The following RPS6KC1 variants were observed in gnomAD, a reference collection of about 807,000 sequenced individuals.
RPS6KC1 encodes ribosomal protein S6 kinase C1, also known as inactive ribosomal protein S6 kinase delta-1.
RPS6KC1 carries 54 observed loss-of-function variants against 103.8 expected under a neutral mutation model. The observed-to-expected ratio is 0.52, with a 90% CI of 0.42 to 0.65. RPS6KC1 has a LOEUF of 0.65. Among genes scored for constraint, RPS6KC1 ranks in the 30% least tolerant of loss-of-function variants. The pLI, the probability that RPS6KC1 is intolerant of heterozygous loss-of-function variation, is 0.00. For missense variants in RPS6KC1, 1,151 were observed against 1,253.8 expected, an observed-to-expected ratio of 0.92 and a Z score of 1.24; for synonymous variants, 439 against 438.7, an observed-to-expected ratio of 1.00 and a Z score of -0.01.
the RPS6KC1 span, among the ~76,000 whole-genome samples, chr1:213,297,838 G>C: frequency 6.6e-6 from 1 of 152,168 alleles, no homozygotes; most frequent in Non-Finnish European, 1.5e-5. Context: ...GCCTAGGCTA[G>C]TCTCAAACTC....
chr1:213,172,358 C>G (rs1261750336), intron 7 of RPS6KC1, among the ~76,000 whole-genome samples: 1 of 152,198 alleles, frequency 6.6e-6, no homozygotes, highest in Admixed American at 6.5e-5. Context: ...CTTTGGAAGG[C>G]TGAGGCAGGT....
At chr1:213,747,012 A>G in the RPS6KC1 span, among the ~76,000 whole-genome samples, 6 of 152,206 alleles carry the variant, frequency 3.9e-5, no homozygotes, top group Non-Finnish European at 8.8e-5. Flanking sequence ...AGTTTTAAAT[A>G]TAAGTTTGGG....
chr1:213,189,092 A>C, intron 8 of RPS6KC1, among the ~76,000 whole-genome samples: 1 of 152,180 alleles, frequency 6.6e-6, no homozygotes, highest in Non-Finnish European at 1.5e-5. Context: ...AAATCAGTAT[A>C]ATGTAGGAAG....
At chr1:213,363,630 CTTTCTTTCTTTCTTTCTT>C in the RPS6KC1 span, among the ~76,000 whole-genome samples, 4 of 19,914 alleles carry the variant, frequency 2.0e-4, no homozygotes, top group Non-Finnish European at 3.2e-4. Context: ...TGCTTGCTTT[CTTTCTTTCTTTCTTTCTT>C]TCTTTCTTTC....
the RPS6KC1 span, among the ~76,000 whole-genome samples, chr1:213,363,518 G>T: frequency 1.3e-5 from 2 of 152,200 alleles, no homozygotes; most frequent in Non-Finnish European, 2.9e-5. Flanking sequence ...TTGTATCTGT[G>T]TTCCAGGCAG....
intron 6 of RPS6KC1, among the ~76,000 whole-genome samples, chr1:213,134,302 C>G (rs934307036): frequency 6.6e-6 from 1 of 151,934 alleles, no homozygotes; most frequent in African/African-American, 2.4e-5. Flanking sequence ...CTGCCCTTCT[C>G]ACTCTTTTTC....
At position 213,129,828 on chromosome 1, in the gene RPS6KC1, C is replaced by G. The variant is rs2085392504; in HGVS notation, c.774C>G (p.Asp258Glu). 1.9e-6 allele frequency: 3 copies of G among 1,611,736 alleles called. No individual in the cohort carries two copies. The highest frequency in any genetic ancestry group is 2.5e-6 in the Non-Finnish European group (3 of 1,179,470). The change falls in exon 6 of 15, where the codon GAC becomes GAG. Residue 258 changes from aspartate to glutamate, a missense_variant. By Grantham distance (45) the Asp-to-Glu change is conservative. Around this residue, in one of 3 missense-constraint regions of RPS6KC1, gnomAD observed 959 missense variants for 1,006.3 expected, o/e 0.95. Coordinates refer to ENST00000366960, the MANE Select transcript of RPS6KC1 (RefSeq NM_012424.6). ...KLALKKEEED[D>E]YEAASDFYRK... ...CTTTAAAAAAGGAAGAAGAAGACGA[C>G]TATGAAGCTGCTTCTGATTTTTATA...
At chr1:213,522,852 C>T in the RPS6KC1 span, among the ~76,000 whole-genome samples, 7,645 of 152,294 alleles carry the variant, frequency 0.05, 585 homozygotes, top group East Asian at 0.29. Flanking sequence ...TTAAAACTTT[C>T]TCCATATAAG....
chr1:213,069,878 T>C (rs2078711521), intron 1 of RPS6KC1, among the ~76,000 whole-genome samples: 1 of 152,224 alleles, frequency 6.6e-6, no homozygotes, highest in South Asian at 2.1e-4. Flanking sequence ...TTTCCTAATT[T>C]AGGATGCTGT....
At chr1:213,270,450 A>T (rs996046279) in intron 14 of RPS6KC1, among the ~76,000 whole-genome samples, 2 of 152,182 alleles carry the variant, frequency 1.3e-5, no homozygotes, top group African/African-American at 4.8e-5. Flanking sequence ...TAAAATTAAA[A>T]ACTTGTGCAT....
chr1:213,188,391 C>T (rs2092619013), intron 8 of RPS6KC1, among the ~76,000 whole-genome samples: 1 of 151,880 alleles, frequency 6.6e-6, no homozygotes, highest in African/African-American at 2.4e-5. Flanking sequence ...GATTCCCTTG[C>T]CATCTGTTCA....
chr1:213,366,584 T>A, the RPS6KC1 span, among the ~76,000 whole-genome samples: 1 of 152,204 alleles, frequency 6.6e-6, no homozygotes. Flanking sequence ...AGACAACACA[T>A]GAATGAATGG....
the RPS6KC1 span, among the ~76,000 whole-genome samples, chr1:213,427,650 A>T: frequency 6.6e-6 from 1 of 152,194 alleles, no homozygotes; most frequent in African/African-American, 2.4e-5. Context: ...ACTTGGTTGA[A>T]AAATGTCCTA....
chr1:213,315,961 T>C, the RPS6KC1 span, among the ~76,000 whole-genome samples: 1 of 152,272 alleles, frequency 6.6e-6, no homozygotes, highest in African/African-American at 2.4e-5. Flanking sequence ...GAAATACTTA[T>C]TTTTTATGAC....
chr1:213,569,446 C>T, the RPS6KC1 span, among the ~76,000 whole-genome samples: 7 of 152,220 alleles, frequency 4.6e-5, no homozygotes, highest in Admixed American at 4.6e-4. Context: ...TACCCAGCTT[C>T]CTTCTATACT....
At chr1:213,464,998 C>T in the RPS6KC1 span, among the ~76,000 whole-genome samples, 9 of 152,104 alleles carry the variant, frequency 5.9e-5, no homozygotes, top group Non-Finnish European at 1.0e-4. Context: ...CCCAAAGTCA[C>T]ACCCCTTTCC....
the RPS6KC1 span, among the ~76,000 whole-genome samples, chr1:213,760,209 A>G: frequency 1.7e-4 from 26 of 152,316 alleles, no homozygotes; most frequent in Non-Finnish European, 2.9e-4. Context: ...ATTTAATATC[A>G]TTATCAAATA....
At chr1:213,068,337 C>G (rs554321778) in intron 1 of RPS6KC1, among the ~76,000 whole-genome samples, 1 of 151,480 alleles carries the variant, frequency 6.6e-6, no homozygotes, top group East Asian at 1.9e-4. Context: ...TACAAAAATT[C>G]GCTGGGCATG....
At chr1:213,424,299 C>G in the RPS6KC1 span, among the ~76,000 whole-genome samples, 1 of 152,150 alleles carries the variant, frequency 6.6e-6, no homozygotes, top group Non-Finnish European at 1.5e-5. Flanking sequence ...TTGTTCTTTC[C>G]AAAGGTGGCT....
Sources: gnomAD v4.1 joint callset for allele counts (sites outside exome capture counted in the v4.1 genomes callset) on GRCh38, gnomAD v4.1.1 for gene constraint, gnomAD v4.1.1 regional missense constraint, MANE v1.5 for transcripts, NCBI Gene and HGNC (gene_info 2026-07-23, HGNC 2026-07-21) for gene names.